MAP4K5: variants seen among roughly 807,000 people sequenced by gnomAD.
MAP4K5 encodes the protein mitogen-activated protein kinase kinase kinase kinase 5, also known as MAPK/ERK kinase kinase kinase 5.
In MAP4K5, 82 loss-of-function variants were observed where a neutral mutation model predicts 135.6. The observed-to-expected ratio is 0.60, with a 90% CI of 0.51 to 0.73. The LOEUF (loss-of-function observed/expected upper bound fraction) is 0.73. Ranked by LOEUF, MAP4K5 falls within the 30% of genes least tolerant of loss-of-function variation. The pLI, the probability that MAP4K5 is intolerant of heterozygous loss-of-function variation, is 0.00. For synonymous variants in MAP4K5, 347 were observed against 335.0 expected, an observed-to-expected ratio of 1.04 and a Z score of -0.39; for missense variants, 907 against 1,010.9, an observed-to-expected ratio of 0.90 and a Z score of 1.39.
intron 3 of MAP4K5, among the ~76,000 whole-genome samples, chr14:50,498,123 A>G (rs1431155871): frequency 6.6e-6 from 1 of 152,170 alleles, no homozygotes; most frequent in Non-Finnish European, 1.5e-5. Context: ...CTGTAAAATG[A>G]GTTAGATGGT....
At chr14:50,449,909 A>G (rs775852364) in intron 14 of MAP4K5, 2 of 151,760 alleles carry the variant, frequency 1.3e-5, no homozygotes, top group Non-Finnish European at 2.9e-5. Context: ...TTCACATTAC[A>G]TAAAATGTGA....
intron 2 of MAP4K5, among the ~76,000 whole-genome samples, chr14:50,506,890 T>C (rs1478184851): frequency 6.6e-6 from 1 of 152,186 alleles, no homozygotes; most frequent in East Asian, 1.9e-4. Context: ...TTTCTGCCAT[T>C]GGACATAAGA....
chr14:50,536,173 CA>C (rs1287066497), upstream of MAP4K5, among the ~76,000 whole-genome samples: 1 of 152,204 alleles, frequency 6.6e-6, no homozygotes, highest in African/African-American at 2.4e-5. Context: ...GGTCTGGCGC[CA>C]TGGCCCATGC....
chr14:50,489,880 T>C (rs1041787626), intron 3 of MAP4K5, among the ~76,000 whole-genome samples: 1 of 152,168 alleles, frequency 6.6e-6, no homozygotes. Context: ...TTCCTAGAGA[T>C]GTCCTACTGG....
At chr14:50,547,618 C>T (rs1200219201) in intron 1 of MAP4K5, among the ~76,000 whole-genome samples, 1 of 152,162 alleles carries the variant, frequency 6.6e-6, no homozygotes, top group East Asian at 1.9e-4. Flanking sequence ...GCCAGAACCC[C>T]TATAACAGCC....
chr14:50,544,696 G>A (rs930430404), intron 1 of MAP4K5, among the ~76,000 whole-genome samples: 4 of 152,048 alleles, frequency 2.6e-5, no homozygotes, highest in Admixed American at 1.3e-4. Context: ...AGCTTTGGGA[G>A]GCTGAGGTGG....
At chr14:50,427,369 T>A (rs771593068) in intron 30 of MAP4K5, among the ~76,000 whole-genome samples, 5 of 152,176 alleles carry the variant, frequency 3.3e-5, no homozygotes, top group Admixed American at 6.5e-5. Flanking sequence ...TGTCCTGACA[T>A]TTACAGAAAG....
intron 2 of MAP4K5, among the ~76,000 whole-genome samples, chr14:50,521,837 C>G (rs1389714269): frequency 2.0e-5 from 3 of 152,188 alleles, no homozygotes; most frequent in African/African-American, 7.2e-5. Context: ...TCTACCCTCT[C>G]AAACTTGACT....
intron 10 of MAP4K5, chr14:50,468,260 T>C (rs1381852667): frequency 6.4e-6 from 1 of 156,160 alleles, no homozygotes; most frequent in Non-Finnish European, 1.4e-5. Flanking sequence ...ACTCAAAAAG[T>C]CTTAAAATAA....
At chr14:50,480,619 C>T (rs1262947022) in intron 6 of MAP4K5, among the ~76,000 whole-genome samples, 1 of 152,100 alleles carries the variant, frequency 6.6e-6, no homozygotes, top group African/African-American at 2.4e-5. Context: ...CATCCTTGTT[C>T]TTGAAAATAA....
chr14:50,462,215 T>C (rs1441537265), intron 13 of MAP4K5, among the ~76,000 whole-genome samples: 13 of 152,242 alleles, frequency 8.5e-5, no homozygotes, highest in Non-Finnish European at 8.8e-5. Context: ...AGCAAGGCTC[T>C]TAAAACCTTT....
chr14:50,500,180 T>C (rs970114652), intron 3 of MAP4K5, among the ~76,000 whole-genome samples: 2 of 152,180 alleles, frequency 1.3e-5, no homozygotes, highest in African/African-American at 4.8e-5. Flanking sequence ...GCAGTGAGGA[T>C]AGATAATCGC....
rs564585358 is a variant in MAP4K5 at position 50,458,835 on chromosome 14, G to A, written c.937-2241C>T. 1.9e-3 allele frequency among the ~76,000 whole-genome samples: 285 copies of A among 152,074 alleles called. 2 individuals are homozygous for A. Among genetic ancestry groups the A allele is most frequent in the Non-Finnish European group, 3.7e-3 (251 of 68,006 alleles). ...CTTTTATTTATTTTTTTGAGACAGGGTCTTGCTCTGTCACCCAGGCTGGAG... is the reference window on the plus strand; with the variant it reads ...CTTTTATTTATTTTTTTGAGACAGGATCTTGCTCTGTCACCCAGGCTGGAG... On this transcript the variant is annotated intron_variant, in intron 13 of 32. Transcript: ENST00000682126.
At chr14:50,492,463 G>A (rs530245831) in intron 3 of MAP4K5, among the ~76,000 whole-genome samples, 3 of 151,892 alleles carry the variant, frequency 2.0e-5, no homozygotes, top group African/African-American at 7.3e-5. Flanking sequence ...ATGTGCTGGC[G>A]TGTGCCTGTA....
chr14:50,530,430 GA>G (rs1194159044), intron 2 of MAP4K5, among the ~76,000 whole-genome samples: 2 of 152,148 alleles, frequency 1.3e-5, no homozygotes, highest in Non-Finnish European at 2.9e-5. Context: ...AGGGAGAAGA[GA>G]ATATATACAA....
chr14:50,491,729 A>G (rs1466681542), intron 3 of MAP4K5, among the ~76,000 whole-genome samples: 4 of 148,964 alleles, frequency 2.7e-5, no homozygotes, highest in African/African-American at 9.9e-5. Flanking sequence ...TGTATTGCCC[A>G]GGCTAGAGTA....
chr14:50,456,350 C>A, intron 14 of MAP4K5, 166 bp downstream of exon 14: 2 of 582,244 alleles, frequency 3.4e-6, no homozygotes, highest in South Asian at 2.2e-5. Context: ...AATTACAAAC[C>A]AAGGGAATTC....
intron 2 of MAP4K5, among the ~76,000 whole-genome samples, chr14:50,538,063 A>G (rs1284306151): frequency 6.6e-6 from 1 of 152,182 alleles, no homozygotes; most frequent in Non-Finnish European, 1.5e-5. Context: ...GCCCACCCAC[A>G]TCTCATCTTG....
intron 2 of MAP4K5, among the ~76,000 whole-genome samples, chr14:50,529,285 G>A (rs1456394303): frequency 6.6e-6 from 1 of 152,146 alleles, no homozygotes; most frequent in Admixed American, 6.5e-5. Context: ...TACTTGGGGG[G>A]CTGAGGTGGG....
Sources: allele counts gnomAD v4.1 joint callset (sites outside exome capture counted in the v4.1 genomes callset), GRCh38; gene constraint gnomAD v4.1.1; transcripts MANE v1.5; gene names NCBI Gene and HGNC (gene_info 2026-07-23, HGNC 2026-07-21).